GAK: variants seen among roughly 807,000 people sequenced by gnomAD.
GAK encodes the protein cyclin-G-associated kinase.
In GAK, 79 loss-of-function variants were observed where a neutral mutation model predicts 143.9. The observed-to-expected ratio is 0.55, with a 90% CI of 0.46 to 0.66. GAK has a LOEUF of 0.66. Ranked by LOEUF, GAK falls within the 30% of genes least tolerant of loss-of-function variation. GAK has a pLI of 0.00. For missense variants in GAK, 1,693 were observed against 1,779.7 expected (o/e 0.95, Z 0.88); for synonymous variants, 881 against 765.5 (o/e 1.15, Z -2.49).
intron 7 of GAK, among the ~76,000 whole-genome samples, 190 bp downstream of exon 7, chr4:896,270 C>T (rs560900892): frequency 6.6e-6 from 1 of 151,472 alleles, no homozygotes; most frequent in African/African-American, 2.4e-5. Flanking sequence ...ACCCTGTCTC[C>T]AAAAAAACCC....
At chr4:884,240 G>A (rs944428238) in intron 11 of GAK, 154 bp from the exon 12 acceptor site, 8 of 631,836 alleles carry the variant, frequency 1.3e-5, no homozygotes, top group Non-Finnish European at 2.0e-5. Context: ...CAGGCGTGTG[G>A]GCAGCTTCCC....
At chr4:886,597 A>T (rs909058963) in intron 11 of GAK, 20 of 152,372 alleles carry the variant, frequency 1.3e-4, no homozygotes, top group Admixed American at 1.2e-3. Flanking sequence ...ACTTTCACTT[A>T]TGGCTTTGCT....
chr4:916,357 T>C (rs1723090442), intron 1 of GAK, among the ~76,000 whole-genome samples: 1 of 152,290 alleles, frequency 6.6e-6, no homozygotes, highest in Admixed American at 6.5e-5. Flanking sequence ...TGGGCTCAAG[T>C]GATCCTCCCA....
At chr4:876,033 G>A (rs1352953685) in intron 18 of GAK, among the ~76,000 whole-genome samples, 1 of 152,080 alleles carries the variant, frequency 6.6e-6, no homozygotes, top group East Asian at 1.9e-4. Context: ...GCCTGCAGAG[G>A]GCAGGGTATG....
intron 24 of GAK, among the ~76,000 whole-genome samples, chr4:859,020 G>A (rs1460217872): frequency 2.6e-5 from 4 of 152,332 alleles, no homozygotes; most frequent in East Asian, 1.9e-4. Flanking sequence ...CCCCGCCGCC[G>A]ACGCTTCTTC....
chr4:866,836 G>T lies in GAK; in HGVS notation c.2872+120C>A. On this transcript the variant is annotated intron_variant, in intron 21 of 27. Coordinates refer to ENST00000314167, the MANE Select transcript of GAK (RefSeq NM_005255.4). ...CCCCGAGGCTGCTCCTGGGGGAGGT[G>T]GGGGAAGGGCACGTTCCCTTCCTGC... The T allele has an allele frequency of 1.0e-5, 8 of 786,308 alleles. No individual in the cohort carries two copies. The Admixed American group carries it at 1.3e-4, about 12-fold the overall frequency. The allele number at this position is 786,308 out of a possible 1,614,324, so 48.7% of individuals were successfully genotyped here. A position where few individuals can be genotyped will look rare whatever the true frequency, so the allele number is the denominator to read the frequency against.
intron 4 of GAK, among the ~76,000 whole-genome samples, chr4:908,348 G>C (rs1019714995): frequency 4.6e-5 from 7 of 152,242 alleles, no homozygotes; most frequent in Admixed American, 6.5e-5. Flanking sequence ...CAGCCTTCTG[G>C]ATGGAACGAA....
At chr4:917,865 G>A (rs1053715188) in intron 1 of GAK, among the ~76,000 whole-genome samples, 4 of 152,176 alleles carry the variant, frequency 2.6e-5, no homozygotes. Flanking sequence ...GGAAGTAAAT[G>A]GAAATCCATG....
At chr4:907,918 G>A (rs944583535) in intron 4 of GAK, among the ~76,000 whole-genome samples, 5 of 152,134 alleles carry the variant, frequency 3.3e-5, no homozygotes, top group African/African-American at 1.2e-4. Context: ...GACTTGAGGG[G>A]CTGGGCCCGG....
intron 4 of GAK, among the ~76,000 whole-genome samples, chr4:905,566 C>G (rs1001205896): frequency 6.7e-6 from 1 of 148,460 alleles, no homozygotes; most frequent in Non-Finnish European, 1.5e-5. Context: ...CCAGGCCATG[C>G]TACGGACTTC....
chr4:883,730 G>C (rs1429944663), intron 12 of GAK, among the ~76,000 whole-genome samples: 1 of 152,262 alleles, frequency 6.6e-6, no homozygotes, highest in Non-Finnish European at 1.5e-5. Flanking sequence ...CCAGGTGTCG[G>C]GATGAGTGAC....
intron 7 of GAK, among the ~76,000 whole-genome samples, chr4:895,276 A>G (rs1374274328): frequency 6.6e-6 from 1 of 152,248 alleles, no homozygotes; most frequent in African/African-American, 2.4e-5. Context: ...CTTCTCGTCA[A>G]TCACCCAATA....
intron 1 of GAK, among the ~76,000 whole-genome samples, chr4:923,512 A>G (rs1016701754): frequency 1.1e-4 from 16 of 152,154 alleles, no homozygotes; most frequent in Non-Finnish European, 1.6e-4. Context: ...TCTCTACCAG[A>G]AATAAATTAA....
At position 932,276 on chromosome 4, in the gene GAK, C is replaced by A. The variant is rs1045347572; in HGVS notation, c.-89G>T. On this transcript the variant is annotated 5_prime_UTR_variant, in exon 1 of 28. Transcript: ENST00000314167. The surrounding 1 kb of genome is among the most constrained non-coding windows in gnomAD (Gnocchi z 4.0). ...CCGTCCGGGTCAGCTCAGCAACCGC[C>A]GGCCCGGAGGTGCACCATCTTCCGC... 12 of 1,417,228 alleles carry A rather than the reference C, an allele frequency of 8.5e-6. No individual in the cohort carries two copies. In the East Asian group the frequency reaches 3.2e-4, roughly 38 times the overall value. 87.8% of individuals were successfully genotyped at this position (1,417,228 alleles called of 1,614,324 possible).
Position 870,773 on chromosome 4 carries a change from C to G in GAK, c.2186G>C (p.Gly729Ala). 1.9e-6 allele frequency: 3 copies of G among 1,614,106 alleles called. No homozygotes were observed. The highest frequency in any genetic ancestry group is 2.5e-6 in the Non-Finnish European group (3 of 1,180,012). Residue 729 changes from glycine to alanine, a missense_variant, in exon 19 of 28, where the codon GGG becomes GCG. By Grantham distance (60) the Gly-to-Ala change is moderately conservative. Transcript: ENST00000314167. ...GGAAAACAGGATTTTGGGGTTCAGC[C>G]CCCTCATGCTCGAGTTCTCCCATGG... ...APPWENSSMR[G>A]LNPKILFSSR...
chr4:926,503 C>T (rs972510435), intron 1 of GAK, among the ~76,000 whole-genome samples: 9 of 152,172 alleles, frequency 5.9e-5, no homozygotes, highest in Admixed American at 1.3e-4. Flanking sequence ...TTCTCTTCTG[C>T]GAGATGGAAG....
intron 15 of GAK, among the ~76,000 whole-genome samples, chr4:879,133 T>G (rs1714579533): frequency 6.6e-6 from 1 of 152,182 alleles, no homozygotes; most frequent in African/African-American, 2.4e-5. Context: ...CACGAGAGAA[T>G]GGATGTGTGT....
At chr4:917,070 G>A (rs1161149315) in intron 1 of GAK, among the ~76,000 whole-genome samples, 1 of 152,094 alleles carries the variant, frequency 6.6e-6, no homozygotes, top group Non-Finnish European at 1.5e-5. Context: ...AAAGATGCCA[G>A]GCGAAAAAAG....
chr4:873,648 G>A (rs1165155748), intron 18 of GAK, among the ~76,000 whole-genome samples: 2 of 152,230 alleles, frequency 1.3e-5, no homozygotes, highest in South Asian at 2.1e-4. Flanking sequence ...CCCCTGCAAC[G>A]TCACCCGTCA....
Sources: allele counts gnomAD v4.1 joint callset (sites outside exome capture counted in the v4.1 genomes callset), GRCh38; gene constraint gnomAD v4.1.1; non-coding constraint Gnocchi (gnomAD v3.1); transcripts MANE v1.5; gene names NCBI Gene and HGNC (gene_info 2026-07-23, HGNC 2026-07-21).